KAZN: variants seen among roughly 807,000 people sequenced by gnomAD.
KAZN encodes kazrin, periplakin interacting protein, also known as kazrin.
In KAZN, 40 loss-of-function variants were observed where a neutral mutation model predicts 87.4. The ratio of observed to expected loss-of-function variants is 0.46; its 90% CI spans 0.36 to 0.60. KAZN has a LOEUF of 0.60. KAZN is among the 20% of genes least tolerant of loss of function. The probability of loss-of-function intolerance (pLI) is 0.00; values close to 1 mark genes in which losing one functional copy is unlikely to be tolerated. For synonymous variants in KAZN, 466 were observed against 458.3 expected (o/e 1.02, Z -0.22); for missense variants, 898 against 1,073.9 (o/e 0.84, Z 2.29).
intron 8 of KAZN, among the ~76,000 whole-genome samples, chr1:15,069,855 CGTCT>C (rs956330310): frequency 1.3e-5 from 2 of 152,140 alleles, no homozygotes; most frequent in Non-Finnish European, 2.9e-5. Context: ...CTCAGTGGCC[CGTCT>C]GTGTGCTCCT....
chr1:13,957,812 A>T (rs1641601811), intron 1 of KAZN, among the ~76,000 whole-genome samples: 1 of 152,048 alleles, frequency 6.6e-6, no homozygotes, highest in Non-Finnish European at 1.5e-5. Flanking sequence ...TGACCCAAAC[A>T]CCTCTCATTA....
At chr1:14,933,981 G>A (rs1660147992) in intron 1 of KAZN, among the ~76,000 whole-genome samples, 1 of 151,512 alleles carries the variant, frequency 6.6e-6, no homozygotes. Context: ...CCGAGTAGCT[G>A]GTTAGCTAGG....
At chr1:14,742,445 GT>G (rs1186392490) in intron 1 of KAZN, among the ~76,000 whole-genome samples, 2 of 152,126 alleles carry the variant, frequency 1.3e-5, no homozygotes, top group Admixed American at 6.5e-5. Flanking sequence ...ATAAATACTT[GT>G]TGGATTAACT....
At chr1:14,536,342 A>G (rs1672504468) in intron 2 of KAZN, among the ~76,000 whole-genome samples, 1 of 152,120 alleles carries the variant, frequency 6.6e-6, no homozygotes. Context: ...CCCTCACCAC[A>G]TGTGTCTGGG....
At chr1:15,001,213 G>A (rs1273061754) in intron 2 of KAZN, among the ~76,000 whole-genome samples, 2 of 151,692 alleles carry the variant, frequency 1.3e-5, no homozygotes, top group Non-Finnish European at 2.9e-5. Flanking sequence ...TGTAATCCCA[G>A]CACTTTGGGA....
At chr1:14,372,703 A>C (rs12082635) in intron 2 of KAZN, among the ~76,000 whole-genome samples, 3,897 of 152,292 alleles carry the variant, frequency 0.026, 150 homozygotes, top group African/African-American at 0.086. Flanking sequence ...AGCAAAGCTC[A>C]CTTCCTCTTG....
chr1:13,927,889 C>A (rs1640347095), intron 1 of KAZN, among the ~76,000 whole-genome samples: 1 of 152,150 alleles, frequency 6.6e-6, no homozygotes, highest in African/African-American at 2.4e-5. Flanking sequence ...GATATGGTCA[C>A]ATGAACATCA....
Position 15,056,385 on chromosome 1 carries a change from T to C in KAZN, c.916+105T>C, listed in dbSNP as rs557036156. 5.1e-6 allele frequency: 6 copies of C among 1,165,370 alleles called. No homozygotes were observed. In the East Asian group the frequency reaches 1.6e-4, roughly 30 times the overall value. The allele number at this position is 1,165,370 out of a possible 1,614,324, so 72.2% of individuals were successfully genotyped here. A position where few individuals can be genotyped will look rare whatever the true frequency, so the allele number is the denominator to read the frequency against. Reference sequence around the variant, plus strand: ...CTGCTTTGTTCGTACTACAGCAGCTTGGGGGCGTGGGACAGAGACCTTGGG... The same window carrying C: ...CTGCTTTGTTCGTACTACAGCAGCTCGGGGGCGTGGGACAGAGACCTTGGG... On this transcript the variant is annotated intron_variant, in intron 5 of 14. Coordinates refer to ENST00000376030, the MANE Select transcript of KAZN (RefSeq NM_201628.3). This position sits in a 1 kb window ranked among gnomAD's most constrained non-coding sequence, Gnocchi z 5.4.
chr1:14,911,264 G>A (rs1352731066), intron 1 of KAZN, among the ~76,000 whole-genome samples: 2 of 152,316 alleles, frequency 1.3e-5, no homozygotes, highest in East Asian at 1.9e-4. Context: ...AAGCAATCAC[G>A]TTCCCTCTCT....
At chr1:14,726,895 C>G in intron 1 of KAZN, among the ~76,000 whole-genome samples, 1 of 152,178 alleles carries the variant, frequency 6.6e-6, no homozygotes, top group Non-Finnish European at 1.5e-5. Context: ...CTCACTGAAT[C>G]TTGAAGACAG....
At chr1:14,186,447 A>G (rs1382146352) in intron 2 of KAZN, among the ~76,000 whole-genome samples, 1 of 152,152 alleles carries the variant, frequency 6.6e-6, no homozygotes, top group Non-Finnish European at 1.5e-5. Context: ...TACATCTCAG[A>G]AAAGATAGGA....
At chr1:14,373,586 C>G (rs1425495789) in intron 2 of KAZN, among the ~76,000 whole-genome samples, 1 of 152,170 alleles carries the variant, frequency 6.6e-6, no homozygotes, top group African/African-American at 2.4e-5. Flanking sequence ...CAGCCCAACC[C>G]AGAAATAATG....
At chr1:14,911,343 T>C (rs889019756) in intron 1 of KAZN, among the ~76,000 whole-genome samples, 11 of 152,314 alleles carry the variant, frequency 7.2e-5, no homozygotes, top group Non-Finnish European at 1.5e-4. Context: ...GAATTCATGC[T>C]CTCTATGTCC....
chr1:14,644,934 G>C (rs893382766), intron 1 of KAZN, among the ~76,000 whole-genome samples: 17 of 152,182 alleles, frequency 1.1e-4, no homozygotes, highest in Non-Finnish European at 2.1e-4. Flanking sequence ...TATAGTTGTG[G>C]ATTTTACATG....
At chr1:14,640,178 A>G (rs1351896940) in intron 1 of KAZN, among the ~76,000 whole-genome samples, 1 of 152,212 alleles carries the variant, frequency 6.6e-6, no homozygotes, top group Non-Finnish European at 1.5e-5. Context: ...AAAGCTCAAA[A>G]TTATTCACTA....
intron 2 of KAZN, among the ~76,000 whole-genome samples, chr1:14,388,328 T>C (rs1662127859): frequency 3.3e-5 from 5 of 152,294 alleles, no homozygotes; most frequent in Admixed American, 2.6e-4. Context: ...TTCAGACATC[T>C]TGGCTCTTCC....
At chr1:14,734,841 G>C (rs12119194) in intron 1 of KAZN, among the ~76,000 whole-genome samples, 1 of 152,224 alleles carries the variant, frequency 6.6e-6, no homozygotes, top group East Asian at 1.9e-4. Flanking sequence ...GAACAGACCA[G>C]ACTGCGTGTC....
intron 2 of KAZN, among the ~76,000 whole-genome samples, chr1:14,300,486 T>C (rs900931460): frequency 6.6e-6 from 1 of 152,144 alleles, no homozygotes; most frequent in Non-Finnish European, 1.5e-5. Context: ...TCCTCCTGCC[T>C]CAGCCTCCCA....
At chr1:14,806,860 A>G (rs74059374) in intron 1 of KAZN, among the ~76,000 whole-genome samples, 1,956 of 152,304 alleles carry the variant, frequency 0.013, 45 homozygotes, top group African/African-American at 0.045. Flanking sequence ...CCCACTCTGC[A>G]GGAGCATGTG....
Sources: allele counts gnomAD v4.1 joint callset (sites outside exome capture counted in the v4.1 genomes callset), GRCh38; gene constraint gnomAD v4.1.1; non-coding constraint Gnocchi (gnomAD v3.1); transcripts MANE v1.5; gene names NCBI Gene and HGNC (gene_info 2026-07-23, HGNC 2026-07-21).